Variants in ADSS1 observed in about 807,000 individuals in gnomAD.
ADSS1 encodes adenylosuccinate synthase 1, also known as adenylosuccinate synthetase isozyme 1.
A neutral mutation model predicts 59.1 loss-of-function variants in ADSS1; 57 were observed. That is an observed-to-expected ratio of 0.97 (90% CI 0.78 to 1.20). ADSS1 has a LOEUF of 1.20. Among genes scored for constraint, ADSS1 ranks in the 50% most tolerant of loss-of-function variants. The pLI is 0.00. For synonymous variants in ADSS1, 247 were observed against 249.4 expected, an observed-to-expected ratio of 0.99 and a Z score of 0.09; for missense variants, 603 against 610.3, an observed-to-expected ratio of 0.99 and a Z score of 0.13.
chr14:104,735,543 G>A (rs958893169), intron 2 of ADSS1, among the ~76,000 whole-genome samples: 2 of 151,526 alleles, frequency 1.3e-5, no homozygotes, highest in African/African-American at 4.8e-5. Flanking sequence ...CGACCAGGCT[G>A]TGTGGACAAG....
chr14:104,746,049 G>C (rs1891542552), intron 11 of ADSS1, 187 bp from the exon 12 acceptor site: 1 of 646,700 alleles, frequency 1.5e-6, no homozygotes, highest in Non-Finnish European at 2.6e-6. Flanking sequence ...GAGCCCCACT[G>C]CTGTCCCCTG....
intron 1 of ADSS1, among the ~76,000 whole-genome samples, chr14:104,726,267 G>T (rs770966503): frequency 5.3e-5 from 8 of 152,238 alleles, no homozygotes; most frequent in Non-Finnish European, 7.3e-5. Flanking sequence ...AGGCTCAGGC[G>T]TGGAGGAATG....
rs1391297548 is a variant in ADSS1 at position 104,740,514 on chromosome 14, G to A, written c.477-87G>A. On this transcript the variant is annotated intron_variant, in intron 5 of 12. Coordinates refer to ENST00000330877, the MANE Select transcript of ADSS1 (RefSeq NM_152328.5). This position sits in a 1 kb window ranked among gnomAD's most constrained non-coding sequence, Gnocchi z 4.8. Reference sequence around the variant, plus strand: ...CAGCAATGGTGGGCACTGGAGTCATGAGCCGGCGGGGGTCATGGCCTCAGT... The same window carrying A: ...CAGCAATGGTGGGCACTGGAGTCATAAGCCGGCGGGGGTCATGGCCTCAGT... 6 of 1,226,102 alleles carry A rather than the reference G, an allele frequency of 4.9e-6. No individual in the cohort carries two copies. In the East Asian group the frequency reaches 1.2e-4, roughly 24 times the overall value. The allele number at this position is 1,226,102 out of a possible 1,614,324, so 76.0% of individuals were successfully genotyped here. A position where few individuals can be genotyped will look rare whatever the true frequency, so the allele number is the denominator to read the frequency against.
chr14:104,735,379 G>A (rs1891083152), intron 2 of ADSS1, among the ~76,000 whole-genome samples: 1 of 150,696 alleles, frequency 6.6e-6, no homozygotes, highest in Non-Finnish European at 1.5e-5. Context: ...CGCAGGAGCG[G>A]GAGTGCCTGA....
Position 104,741,917 on chromosome 14 carries a change from C to G in ADSS1, c.863C>G (p.Pro288Arg). Residue 288 changes from proline to arginine, a missense_variant, in exon 9 of 13, where the codon CCG becomes CGG. Coordinates refer to ENST00000330877, the MANE Select transcript of ADSS1 (RefSeq NM_152328.5). The part of the protein sequence containing the change: ...GGVCTGLGIP[P>R]QNIGDVYGVV... ...GTGTGCACGGGCCTGGGCATCCCCC[C>G]GCAGAACATAGGTGACGTGTATGGC... is the stretch of plus-strand genomic sequence containing the variant. The G allele has an allele frequency of 1.9e-6, 3 of 1,613,532 alleles. No individual in the cohort carries two copies. Among genetic ancestry groups the G allele is most frequent in the Non-Finnish European group, 2.5e-6 (3 of 1,180,012 alleles).
At chr14:104,737,189 T>C (rs143063991) in intron 2 of ADSS1, 11 of 152,182 alleles carry the variant, frequency 7.2e-5, no homozygotes, top group African/African-American at 2.2e-4. Flanking sequence ...GCCACTATAG[T>C]ATCGTACAGA....
intron 9 of ADSS1, 150 bp from the exon 10 acceptor site, chr14:104,742,917 G>A: frequency 8.5e-7 from 1 of 1,182,078 alleles, no homozygotes; most frequent in Non-Finnish European, 1.2e-6. Flanking sequence ...GTGTGGGGAT[G>A]TCCGGGAGCT....
intron 5 of ADSS1, 121 bp downstream of exon 5, chr14:104,739,937 T>C (rs907067828): frequency 2.2e-5 from 23 of 1,057,572 alleles, no homozygotes; most frequent in South Asian, 1.1e-4. Context: ...TCAAAGCCCC[T>C]GGAGAATGGC....
Position 104,746,317 on chromosome 14 carries a change from G to A in ADSS1, c.1253G>A (p.Arg418Lys), listed in dbSNP as rs1891552760. Residue 418 changes from arginine to lysine, a missense_variant, in exon 12 of 13, where the codon AGG becomes AAG. Coordinates refer to ENST00000330877, the MANE Select transcript of ADSS1 (RefSeq NM_152328.5). ...AAAGCAGACACCACAGGCGCCAGGA[G>A]GTGGGAGGACCTGCCCCCACAGGCC... The part of the protein sequence containing the change: ...GWKADTTGAR[R>K]WEDLPPQAQN... 1.2e-6 allele frequency: 2 copies of A among 1,613,828 alleles called. No individual in the cohort carries two copies. The highest frequency in any genetic ancestry group is 1.7e-6 in the Non-Finnish European group (2 of 1,179,968).
chr14:104,737,428 A>G (rs1891175003), intron 2 of ADSS1: 1 of 152,054 alleles, frequency 6.6e-6, no homozygotes, highest in African/African-American at 2.4e-5. Flanking sequence ...ATTTCTTTTC[A>G]GTGTTGAATA....
chr14:104,740,498 T>G lies in ADSS1; in HGVS notation c.477-103T>G. The G allele has an allele frequency of 1.0e-6, 1 of 965,390 alleles. No individual in the cohort carries two copies. Among genetic ancestry groups the G allele is most frequent in the Non-Finnish European group, 1.6e-6 (1 of 627,262 alleles). The allele number at this position is 965,390 out of a possible 1,614,324, so 59.8% of individuals were successfully genotyped here. A position where few individuals can be genotyped will look rare whatever the true frequency, so the allele number is the denominator to read the frequency against. On this transcript the variant is annotated intron_variant, in intron 5 of 12. Coordinates refer to ENST00000330877, the MANE Select transcript of ADSS1 (RefSeq NM_152328.5). The surrounding 1 kb of genome is among the most constrained non-coding windows in gnomAD (Gnocchi z 4.8). ...CTCAGCCAGACACAGGCAGCAATGG[T>G]GGGCACTGGAGTCATGAGCCGGCGG...
chr14:104,739,639 A>T, intron 4 of ADSS1, 111 bp from the exon 5 acceptor site: 1 of 1,258,800 alleles, frequency 7.9e-7, no homozygotes, highest in Non-Finnish European at 1.1e-6. Flanking sequence ...TGAAATCTCA[A>T]CCACCCCCTT....
intron 1 of ADSS1, chr14:104,730,319 G>C: frequency 8.0e-7 from 1 of 1,255,078 alleles, no homozygotes; most frequent in South Asian, 1.9e-5. Flanking sequence ...GTGAAACCCG[G>C]TTTCTACTAA....
rs1891252525 is a variant in ADSS1 at position 104,739,490 on chromosome 14, T to G, written c.409+112T>G. On this transcript the variant is annotated intron_variant, in intron 4 of 12. Coordinates refer to ENST00000330877, the MANE Select transcript of ADSS1 (RefSeq NM_152328.5). ...AGGGAAGTCCCCAAGGCCTTCTTGC[T>G]CCACATGGCTCCATTAGCTTGTACA... 5 of 1,215,710 alleles carry G rather than the reference T, an allele frequency of 4.1e-6. No homozygotes were observed. In the African/African-American group the frequency reaches 7.6e-5, roughly 18 times the overall value. The allele number at this position is 1,215,710 out of a possible 1,614,324, so 75.3% of individuals were successfully genotyped here.
chr14:104,734,019 C>T (rs1245229490), intron 1 of ADSS1, among the ~76,000 whole-genome samples: 1 of 152,228 alleles, frequency 6.6e-6, no homozygotes, highest in East Asian at 1.9e-4. Context: ...CTTATGGTGG[C>T]ATAAAGACCA....
chr14:104,726,415 G>A (rs924992803), intron 1 of ADSS1, among the ~76,000 whole-genome samples: 4 of 152,246 alleles, frequency 2.6e-5, no homozygotes, highest in Non-Finnish European at 5.9e-5. Context: ...GGGAAGGTCA[G>A]GGACTGGTCT....
At chr14:104,738,329 G>A (rs764527502) in intron 2 of ADSS1, 47 bp from the exon 3 acceptor site, 2 of 1,602,134 alleles carry the variant, frequency 1.2e-6, no homozygotes, top group Non-Finnish European at 1.7e-6. Flanking sequence ...ATGTTTTCCA[G>A]TGTCTGGGAC....
chr14:104,738,580 C>A, intron 3 of ADSS1, 142 bp downstream of exon 3: 2 of 921,324 alleles, frequency 2.2e-6, no homozygotes, highest in Non-Finnish European at 3.3e-6. Flanking sequence ...GCTCATCACC[C>A]GCCGGCTCTA....
chr14:104,725,353 G>A (rs1890689142), intron 1 of ADSS1, among the ~76,000 whole-genome samples: 1 of 152,224 alleles, frequency 6.6e-6, no homozygotes, highest in Admixed American at 6.5e-5. Flanking sequence ...ACTTTGGGAT[G>A]CACGCGTCTG....
Sources: allele counts gnomAD v4.1 joint callset (sites outside exome capture counted in the v4.1 genomes callset), GRCh38; gene constraint gnomAD v4.1.1; non-coding constraint Gnocchi (gnomAD v3.1); transcripts MANE v1.5; gene names NCBI Gene and HGNC (gene_info 2026-07-23, HGNC 2026-07-21).